Variants in NAALADL2 observed in about 807,000 individuals in gnomAD.
The protein encoded by NAALADL2 is N-acetylated alpha-linked acidic dipeptidase like 2, also known as inactive N-acetylated-alpha-linked acidic dipeptidase-like protein 2.
NAALADL2 carries 76 observed loss-of-function variants against 87.2 expected under a neutral mutation model. The observed-to-expected ratio is 0.87, with a 90% CI of 0.72 to 1.05. The LOEUF is 1.05. NAALADL2 is among the 50% of genes least tolerant of loss of function. The pLI is 0.00. For missense variants in NAALADL2, 1,089 were observed against 945.8 expected, an observed-to-expected ratio of 1.15 and a Z score of -1.99; for synonymous variants, 354 against 331.0, an observed-to-expected ratio of 1.07 and a Z score of -0.75.
intron 1 of NAALADL2, among the ~76,000 whole-genome samples, chr3:174,937,926 A>G (rs56753168): frequency 0.027 from 4,124 of 152,118 alleles, 171 homozygotes; most frequent in African/African-American, 0.087. Context: ...AAGTATATAT[A>G]TTTCTTTAGC....
At chr3:175,544,066 C>A (rs1712852535) in intron 9 of NAALADL2, among the ~76,000 whole-genome samples, 1 of 151,878 alleles carries the variant, frequency 6.6e-6, no homozygotes, top group Admixed American at 6.6e-5. Context: ...TTCAAAAAAC[C>A]AAGGGTAGGA....
chr3:175,502,228 G>GGTGTGTGTGTGTGT (rs3040528), intron 9 of NAALADL2, among the ~76,000 whole-genome samples: 1 of 147,292 alleles, frequency 6.8e-6, no homozygotes, highest in African/African-American at 2.5e-5. Context: ...CATTATCCTG[G>GGTGTGTGTGTGTGT]GTGTGTGTGT....
At chr3:174,747,000 A>G (rs1470604419) in intron 3 of NAALADL2, among the ~76,000 whole-genome samples, 2 of 152,176 alleles carry the variant, frequency 1.3e-5, no homozygotes, top group African/African-American at 2.4e-5. Flanking sequence ...AGGCAATACC[A>G]TTTGGGAAAC....
chr3:174,817,950 T>C (rs1303023055), intron 3 of NAALADL2, among the ~76,000 whole-genome samples: 1 of 152,210 alleles, frequency 6.6e-6, no homozygotes, highest in Non-Finnish European at 1.5e-5. Context: ...CATATATTTC[T>C]ATAGTAACTT....
intron 5 of NAALADL2, among the ~76,000 whole-genome samples, chr3:175,360,268 A>G (rs1764836278): frequency 6.6e-6 from 1 of 152,106 alleles, no homozygotes. Context: ...CTACTTGTTT[A>G]GTTTTCAAGG....
intron 1 of NAALADL2, among the ~76,000 whole-genome samples, chr3:175,075,884 G>A (rs1372807655): frequency 6.6e-6 from 1 of 152,104 alleles, no homozygotes; most frequent in African/African-American, 2.4e-5. Context: ...AAGGTAAATT[G>A]ATTAGCTGGG....
intron 12 of NAALADL2, among the ~76,000 whole-genome samples, chr3:175,747,220 TTTTG>T (rs1419664948): frequency 2.0e-5 from 3 of 152,230 alleles, no homozygotes; most frequent in Non-Finnish European, 4.4e-5. Flanking sequence ...CCTTTTTTCC[TTTTG>T]TTTATCTTCT....
chr3:175,536,019 G>T (rs930789374), intron 9 of NAALADL2, among the ~76,000 whole-genome samples: 2 of 152,096 alleles, frequency 1.3e-5, no homozygotes, highest in Non-Finnish European at 2.9e-5. Flanking sequence ...ATCCCAGATC[G>T]ATCTGATAAC....
chr3:175,418,814 A>T (rs1029317532), intron 5 of NAALADL2, among the ~76,000 whole-genome samples: 3 of 151,974 alleles, frequency 2.0e-5, no homozygotes, highest in African/African-American at 4.8e-5. Context: ...AAAAGAAGAG[A>T]TTCTACAATA....
chr3:175,382,532 T>C (rs1767905304), intron 5 of NAALADL2, among the ~76,000 whole-genome samples: 1 of 151,900 alleles, frequency 6.6e-6, no homozygotes, highest in Non-Finnish European at 1.5e-5. Context: ...AAATGACCCA[T>C]GGTTATAAGA....
chr3:175,680,728 G>T (rs1164477163), intron 11 of NAALADL2, among the ~76,000 whole-genome samples: 1 of 152,150 alleles, frequency 6.6e-6, no homozygotes. Context: ...TTTACCTACA[G>T]ACCTGTTGCA....
chr3:174,720,649 T>C (rs1045479991), intron 2 of NAALADL2, among the ~76,000 whole-genome samples: 3 of 151,996 alleles, frequency 2.0e-5, no homozygotes, highest in Non-Finnish European at 4.4e-5. Flanking sequence ...AATGTGTAAA[T>C]GAAAAAAAAA....
intron 2 of NAALADL2, among the ~76,000 whole-genome samples, chr3:174,729,794 A>G (rs1477745818): frequency 1.3e-5 from 2 of 152,070 alleles, no homozygotes; most frequent in African/African-American, 4.8e-5. Context: ...TAATAATAGT[A>G]ACATAATAAC....
intron 9 of NAALADL2, among the ~76,000 whole-genome samples, chr3:175,540,675 C>T (rs558956815): frequency 3.9e-5 from 6 of 152,000 alleles, no homozygotes; most frequent in East Asian, 1.9e-4. Flanking sequence ...ACTTCTGGGC[C>T]GGTGAGTTGC....
chr3:175,551,796 G>A (rs557404481), intron 9 of NAALADL2, among the ~76,000 whole-genome samples: 1 of 152,062 alleles, frequency 6.6e-6, no homozygotes, highest in African/African-American at 2.4e-5. Context: ...TACTCAGGAG[G>A]CTGAGGCAGG....
In NAALADL2 at chr3:175,745,718, G is replaced by T. The variant is rs551798051; in HGVS notation, c.1990+8319G>T. 2.7e-4 allele frequency among the ~76,000 whole-genome samples: 41 copies of T among 152,156 alleles called. No homozygotes were observed. The South Asian group carries it at 3.1e-3, about 12-fold the overall frequency. ...AGAATGCAATGGTACTAGTTTGCAG[G>T]GGCAGAGGAAGGTATCAAAAACAAA... is the stretch of plus-strand genomic sequence containing the variant. On this transcript the variant is annotated intron_variant, in intron 12 of 13. Transcript: ENST00000454872.
chr3:174,923,828 T>C (rs935414183), intron 1 of NAALADL2, among the ~76,000 whole-genome samples: 31 of 152,158 alleles, frequency 2.0e-4, no homozygotes, highest in African/African-American at 7.2e-4. Context: ...GGTATGGCAC[T>C]GTAGAGGTAG....
At position 175,807,655 on chromosome 3, in the gene NAALADL2, A is replaced by G. The variant is rs980479830; in HGVS notation, c.*4452A>G. On this transcript the variant is annotated 3_prime_UTR_variant, in exon 14 of 14. Coordinates refer to ENST00000454872, the MANE Select transcript of NAALADL2 (RefSeq NM_207015.3). ...ATATTCCAATAAATATATCAGCAAT[A>G]TAACAGTTTCATCATGGGACCATGG... The G allele has an allele frequency of 2.0e-5, 3 of 151,954 alleles. No individual in the cohort carries two copies. The highest frequency in any genetic ancestry group is 2.1e-4 in the South Asian group (1 of 4,836). 9.4% of individuals were successfully genotyped at this position (151,954 alleles called of 1,614,324 possible).
At chr3:175,268,673 A>T in intron 4 of NAALADL2, among the ~76,000 whole-genome samples, 1 of 152,096 alleles carries the variant, frequency 6.6e-6, no homozygotes, top group East Asian at 1.9e-4. Flanking sequence ...TCCTTGTTCT[A>T]TAGAAGTCCT....
Sources: gnomAD v4.1 joint callset for allele counts (sites outside exome capture counted in the v4.1 genomes callset) on GRCh38, gnomAD v4.1.1 for gene constraint, MANE v1.5 for transcripts, NCBI Gene and HGNC (gene_info 2026-07-23, HGNC 2026-07-21) for gene names.